The following TENM2 variants were observed in gnomAD, a reference collection of about 807,000 sequenced individuals.
TENM2 encodes the protein teneurin transmembrane protein 2.
TENM2 carries 52 observed loss-of-function variants against 245.2 expected under a neutral mutation model. The ratio of observed to expected loss-of-function variants is 0.21; its 90% confidence interval spans 0.17 to 0.27. The LOEUF (loss-of-function observed/expected upper bound fraction) is 0.27, where lower values mean the gene tolerates loss of function less well. Among genes scored for constraint, TENM2 ranks in the 10% least tolerant of loss-of-function variants. The pLI is 1.00. For synonymous variants in TENM2, 1,363 were observed against 1,438.9 expected (o/e 0.95, Z 1.19); for missense variants, 3,046 against 3,666.8 (o/e 0.83, Z 4.37).
At chr5:167,789,212 A>G (rs757968685) in intron 2 of TENM2, among the ~76,000 whole-genome samples, 1 of 152,214 alleles carries the variant, frequency 6.6e-6, no homozygotes, top group Non-Finnish European at 1.5e-5. Flanking sequence ...CTTGAAATCC[A>G]TATTTTTCTT....
intron 2 of TENM2, among the ~76,000 whole-genome samples, chr5:167,610,487 T>G (rs993949926): frequency 6.6e-6 from 1 of 152,238 alleles, no homozygotes; most frequent in Non-Finnish European, 1.5e-5. Context: ...GGCCCCCTAT[T>G]CATCTCATTA....
At chr5:167,438,297 C>G (rs573986256) in intron 2 of TENM2, among the ~76,000 whole-genome samples, 1 of 152,290 alleles carries the variant, frequency 6.6e-6, no homozygotes, top group Non-Finnish European at 1.5e-5. Context: ...TATCGCCTCT[C>G]CCTTTTTACT....
At chr5:168,109,422 G>A (rs1237649769) in intron 9 of TENM2, among the ~76,000 whole-genome samples, 4 of 152,160 alleles carry the variant, frequency 2.6e-5, no homozygotes, top group South Asian at 2.1e-4. Flanking sequence ...CGTCATGATC[G>A]TCTCCGTTTC....
At position 167,789,072 on chromosome 5, in the gene TENM2, ATTGCCT is replaced by A. The variant is rs200594804; in HGVS notation, c.503-86913_503-86908del. Among the ~76,000 whole-genome samples, 36 of 152,314 alleles carry A rather than the reference ATTGCCT, an allele frequency of 2.4e-4. No individual in the cohort carries two copies. In the East Asian group the frequency reaches 6.6e-3, roughly 28 times the overall value. ...GAAGAACCACTGTGTCTTACTTAGC[ATTGCCT>A]CCAATGCACAGCATAGTACCTGGTT... On this transcript the variant is annotated intron_variant, in intron 2 of 28. Transcript: ENST00000518659.
chr5:167,052,099 C>T, the TENM2 span, among the ~76,000 whole-genome samples: 2 of 152,006 alleles, frequency 1.3e-5, no homozygotes, highest in Non-Finnish European at 1.5e-5. Flanking sequence ...AGATAATGTT[C>T]GTTTAAAGAG....
At chr5:168,178,471 A>G (rs927328220) in intron 13 of TENM2, among the ~76,000 whole-genome samples, 10 of 152,182 alleles carry the variant, frequency 6.6e-5, no homozygotes, top group African/African-American at 2.4e-4. Context: ...AGCTGCAGCC[A>G]GGATAGAAAT....
intron 2 of TENM2, among the ~76,000 whole-genome samples, chr5:167,413,984 A>T (rs534036747): frequency 2.6e-5 from 4 of 152,156 alleles, no homozygotes; most frequent in African/African-American, 7.2e-5. Flanking sequence ...TTGTTTTGTT[A>T]TATTACAGTG....
In TENM2 at chr5:167,451,422, A is replaced by G. The variant is rs532955139; in HGVS notation, c.502+75949A>G. On this transcript the variant is annotated intron_variant, in intron 2 of 28. Transcript: ENST00000518659. ...AGTTACCTGGGCCTCTGCTTTCAGA[A>G]TGTTCTTCTACTTAATATTATTCAG... 2.5e-3 allele frequency among the ~76,000 whole-genome samples: 382 copies of G among 152,294 alleles called. 3 individuals are homozygous for G. Among genetic ancestry groups the G allele is most frequent in the African/African-American group, 8.7e-3 (363 of 41,556 alleles).
At chr5:167,464,100 A>G (rs1334609246) in intron 2 of TENM2, among the ~76,000 whole-genome samples, 2 of 152,216 alleles carry the variant, frequency 1.3e-5, no homozygotes, top group Admixed American at 6.5e-5. Context: ...CTTAATGACA[A>G]TTTCTCATCT....
chr5:167,380,587 C>A (rs1028422900), intron 2 of TENM2, among the ~76,000 whole-genome samples: 2 of 152,012 alleles, frequency 1.3e-5, no homozygotes, highest in Non-Finnish European at 2.9e-5. Flanking sequence ...TTAATGCTCC[C>A]AGGGGCTATC....
the TENM2 span, among the ~76,000 whole-genome samples, chr5:167,270,636 A>G: frequency 6.6e-6 from 1 of 152,080 alleles, no homozygotes; most frequent in Non-Finnish European, 1.5e-5. Flanking sequence ...CCACATCAGG[A>G]TTGTGATGTG....
intron 7 of TENM2, among the ~76,000 whole-genome samples, chr5:168,082,072 C>G (rs903095479): frequency 1.3e-5 from 2 of 152,222 alleles, no homozygotes; most frequent in African/African-American, 4.8e-5. Context: ...GCACACCAAT[C>G]AGACGTAGAT....
At chr5:167,635,111 C>T (rs1233353452) in intron 2 of TENM2, among the ~76,000 whole-genome samples, 1 of 152,144 alleles carries the variant, frequency 6.6e-6, no homozygotes, top group Non-Finnish European at 1.5e-5. Flanking sequence ...TCATTTATCA[C>T]ATCCTTGTAA....
chr5:167,829,130 G>A (rs963238697), intron 2 of TENM2, among the ~76,000 whole-genome samples: 3 of 152,218 alleles, frequency 2.0e-5, no homozygotes, highest in Non-Finnish European at 4.4e-5. Context: ...TGTTCAAGGT[G>A]AAAATTAACT....
the TENM2 span, among the ~76,000 whole-genome samples, chr5:166,979,081 T>A: frequency 3.9e-5 from 6 of 151,938 alleles, no homozygotes; most frequent in African/African-American, 1.4e-4. Context: ...GCGTGTGTTA[T>A]GGGTTTGATT....
At chr5:167,280,525 C>T (rs1429678349), upstream of TENM2, among the ~76,000 whole-genome samples, 1 of 152,078 alleles carries the variant, frequency 6.6e-6, no homozygotes, top group Non-Finnish European at 1.5e-5. Flanking sequence ...GGCAAGCTTT[C>T]CACTTGGTCT....
At chr5:167,929,154 G>A (rs1583400597) in intron 3 of TENM2, among the ~76,000 whole-genome samples, 2 of 138,752 alleles carry the variant, frequency 1.4e-5, no homozygotes, top group South Asian at 5.1e-4. Flanking sequence ...AGGGAGGGAG[G>A]GAAGGAAGGA....
intron 2 of TENM2, among the ~76,000 whole-genome samples, chr5:167,757,228 C>T (rs1012333600): frequency 5.3e-5 from 8 of 151,780 alleles, no homozygotes; most frequent in Non-Finnish European, 1.2e-4. Context: ...TCTCCTAATG[C>T]TATCCCTCCC....
At chr5:167,845,908 C>T (rs11959001) in intron 2 of TENM2, among the ~76,000 whole-genome samples, 3,290 of 152,236 alleles carry the variant, frequency 0.022, 132 homozygotes, top group African/African-American at 0.074. Flanking sequence ...ACAGCTGGCC[C>T]GACTGCTCCT....
Sources: gnomAD v4.1 joint callset for allele counts (sites outside exome capture counted in the v4.1 genomes callset) on GRCh38, gnomAD v4.1.1 for gene constraint, MANE v1.5 for transcripts, NCBI Gene and HGNC (gene_info 2026-07-23, HGNC 2026-07-21) for gene names.